The following DACT2 variants were observed in gnomAD, a reference collection of about 807,000 sequenced individuals.
DACT2 encodes the protein dapper homolog 2.
Under a neutral mutation model 22.2 loss-of-function variants are expected in DACT2, and 20 were observed. The observed-to-expected ratio is 0.90, with a 90% CI of 0.63 to 1.31. DACT2 has a LOEUF of 1.31. DACT2 is among the 50% of genes most tolerant of loss of function. The pLI is 0.00. For synonymous variants in DACT2, 463 were observed against 479.8 expected (o/e 0.96, Z 0.46); for missense variants, 1,048 against 1,061.4 (o/e 0.99, Z 0.18).
rs1779593495 is a variant in DACT2, at chr6:168,319,465, C to A, written c.169G>T (p.Ala57Ser). The A allele has an allele frequency of 8.3e-7, 1 of 1,202,970 alleles. No individual in the cohort carries two copies. Among genetic ancestry groups the A allele is most frequent in the Non-Finnish European group, 1.0e-6 (1 of 970,686 alleles). 74.5% of individuals were successfully genotyped at this position (1,202,970 alleles called of 1,614,324 possible). Residue 57 changes from alanine (A) to serine (S), a missense_variant, in exon 1 of 4, where the codon GCG becomes TCG. By Grantham distance (99) the Ala-to-Ser change is moderately conservative (BLOSUM62 1). Coordinates refer to ENST00000366795, the MANE Select transcript of DACT2 (RefSeq NM_214462.5). ...TGGAGGCCGTGGGGGCCGCAGGGCG[C>A]GGCGGGCGCGGGCGGGGGCTGCAGG... The part of the protein sequence containing the change: ...LALQPPPAPA[A>S]PCGPHGLHGP...
intron 3 of DACT2, among the ~76,000 whole-genome samples, chr6:168,297,817 T>G (rs577745062): frequency 2.7e-4 from 41 of 152,320 alleles, no homozygotes; most frequent in African/African-American, 7.7e-4. Context: ...AATGGACGGA[T>G]GAACTTTGGC....
In DACT2 at chr6:168,311,597, T is replaced by TAC. The variant is rs764745810; in HGVS notation, c.247-315_247-314dup. On this transcript the variant is annotated intron_variant, in intron 1 of 3. Coordinates refer to ENST00000366795, the MANE Select transcript of DACT2 (RefSeq NM_214462.5). ...ACACACACCCATCCACACACACACA[T>TAC]ACACACACACTCACACAAACACACA... 4.3e-3 allele frequency among the ~76,000 whole-genome samples: 431 copies of TAC among 100,520 alleles called. 9 individuals are homozygous for TAC. The highest frequency in any genetic ancestry group is 0.018 in the African/African-American group (403 of 22,796). The allele number at this position is 100,520 out of a possible 152,430, so 65.9% of individuals were successfully genotyped here.
intron 1 of DACT2, among the ~76,000 whole-genome samples, chr6:168,318,168 C>G (rs538936780): frequency 1.3e-5 from 2 of 152,382 alleles, no homozygotes; most frequent in East Asian, 3.9e-4. Flanking sequence ...GTGTCTGGTG[C>G]AAACACACAA....
chr6:168,309,307 C>A (rs944628963), intron 3 of DACT2, among the ~76,000 whole-genome samples: 3 of 138,176 alleles, frequency 2.2e-5, no homozygotes, highest in Non-Finnish European at 4.7e-5. Flanking sequence ...GTTTAAGACA[C>A]TGGGCGCGGG....
chr6:168,315,240 G>A (rs974873110), intron 1 of DACT2, among the ~76,000 whole-genome samples: 15 of 152,130 alleles, frequency 9.9e-5, no homozygotes, highest in African/African-American at 1.4e-4. Context: ...TGTCTCTCCC[G>A]CTGTGGAGAC....
intron 1 of DACT2, among the ~76,000 whole-genome samples, chr6:168,311,551 T>TACACACACACACCCCTACAC (rs778387834): frequency 4.1e-5 from 4 of 97,826 alleles, no homozygotes; most frequent in African/African-American, 1.7e-4. Context: ...CACACACACA[T>TACACACACACACCCCTACAC]ACACACACTC....
In DACT2 at chr6:168,307,974, C is replaced by G. The variant is rs982666299; in HGVS notation, c.1783G>C (p.Ala595Pro). The G allele has an allele frequency of 2.6e-6, 4 of 1,551,150 alleles. No homozygotes were observed. The highest frequency in any genetic ancestry group is 2.6e-6 in the Non-Finnish European group (3 of 1,146,890). Residue 595 changes from alanine to proline, a missense_variant, in exon 4 of 4, where the codon GCG (alanine) becomes CCG (proline). Ala to Pro is a conservative substitution (Grantham distance 27). Coordinates refer to ENST00000366795, the MANE Select transcript of DACT2 (RefSeq NM_214462.5). The surrounding 1 kb of genome is among the most constrained non-coding windows in gnomAD (Gnocchi z 5.3). ...TSAQALFPFE[A>P]SLLTSVARRK... The stretch of plus-strand genomic sequence containing the variant: ...CTGGCCACTGAGGTGAGCAGTGACG[C>G]CTCAAAGGGGAACAGGGCTTGGGCT...
At chr6:168,303,796 C>T (rs1779152088), downstream of DACT2, among the ~76,000 whole-genome samples, 1 of 152,138 alleles carries the variant, frequency 6.6e-6, no homozygotes, top group Admixed American at 6.5e-5. Flanking sequence ...CTGTTTTCTT[C>T]AATGATAACG....
rs1330726816 is a variant in DACT2, at chr6:168,319,671, C to T, written c.-38G>A. 29 of 1,208,224 alleles carry T rather than the reference C, an allele frequency of 2.4e-5. No individual in the cohort carries two copies. Among genetic ancestry groups the T allele is most frequent in the Non-Finnish European group, 2.9e-5 (28 of 971,276 alleles). The allele number at this position is 1,208,224 out of a possible 1,614,324, so 74.8% of individuals were successfully genotyped here. On this transcript the variant is annotated 5_prime_UTR_variant, in exon 1 of 4. Transcript: ENST00000366795. ...GTCCCGGCCTCCCGAACCCCACGAG[C>T]GGCGCCGGAGGCCCAGCGCGCGCGG...
Position 168,307,990 on chromosome 6 carries a change from G to A in DACT2, c.1767C>T (p.Ala589=), listed in dbSNP as rs1160712094. ...GCAGTGACGCCTCAAAGGGGAACAG[G>A]GCTTGGGCTGAGGTCCGGTGGCTCT... is the stretch of plus-strand genomic sequence containing the variant. ...PQESHRTSAQ[A]LFPFEASLLT... is the part of the protein sequence containing the mutation. The change falls in exon 4 of 4, where the codon GCC becomes GCT. Residue 589 remains alanine (A), a synonymous_variant. Transcript: ENST00000366795. The surrounding 1 kb of genome is among the most constrained non-coding windows in gnomAD (Gnocchi z 5.3). 8.4e-6 allele frequency: 13 copies of A among 1,551,092 alleles called. No individual in the cohort carries two copies. The highest frequency in any genetic ancestry group is 1.1e-5 in the Non-Finnish European group (13 of 1,146,870).
At chr6:168,293,326 C>G (rs1778944890) in exon 6 of DACT2, 1 of 152,534 alleles carries the variant, frequency 6.6e-6, no homozygotes, top group African/African-American at 2.4e-5. Context: ...TCAATTATCT[C>G]AAAAAATATT....
intron 3 of DACT2, among the ~76,000 whole-genome samples, chr6:168,297,136 A>G (rs1034032488): frequency 2.0e-5 from 3 of 152,212 alleles, no homozygotes; most frequent in African/African-American, 7.2e-5. Flanking sequence ...AGGCCTGACA[A>G]TACCATGTTT....
chr6:168,306,341 ACTG>A (rs1401276028), downstream of DACT2, among the ~76,000 whole-genome samples: 4 of 152,146 alleles, frequency 2.6e-5, no homozygotes, highest in East Asian at 7.7e-4. Flanking sequence ...ACCTGAAAAC[ACTG>A]CTATCTTTCT....
At chr6:168,299,929 G>A (rs1475939167) in intron 3 of DACT2, 1 of 152,296 alleles carries the variant, frequency 6.6e-6, no homozygotes, top group African/African-American at 2.4e-5. Flanking sequence ...AGGAACGCTG[G>A]GCTCCATGAA....
chr6:168,310,278 G>C lies in DACT2; in HGVS notation c.548C>G (p.Thr183Ser). Residue 183 changes from threonine to serine, a missense_variant, in exon 3 of 4, where the codon ACT becomes AGT. By Grantham distance (58) the Thr-to-Ser change is moderately conservative. Transcript: ENST00000366795. ...AGCCTGGGGTCTCCACGCTGGCACA[G>C]TAGTCTCATCAACCGACCGGGGCCT... ...DWRPRSVDET[T>S]VPAWRPQATE... The C allele has an allele frequency of 6.4e-7, 1 of 1,551,568 alleles. No homozygotes were observed. The highest frequency in any genetic ancestry group is 1.2e-5 in the South Asian group (1 of 84,050).
chr6:168,304,631 C>T (rs183109564), downstream of DACT2, among the ~76,000 whole-genome samples: 16 of 152,332 alleles, frequency 1.1e-4, no homozygotes, highest in Non-Finnish European at 2.1e-4. Context: ...TAACCTGGGC[C>T]GACTCACCCC....
chr6:168,307,599 C>T lies in DACT2; in HGVS notation c.2158G>A (p.Val720Met), dbSNP rs780932715. ...GCCAGCTCCGCATGCCCGGCCGCCACATAGCCCAGTGCCAGGTCACAGTCC... is the reference window on the plus strand; with the variant it reads ...GCCAGCTCCGCATGCCCGGCCGCCATATAGCCCAGTGCCAGGTCACAGTCC... Reference protein sequence around the residue: ...SRDCDLALGYVAAGHAELAWT... With the variant: ...SRDCDLALGYMAAGHAELAWT... The change falls in exon 4 of 4, where the codon GTG (valine) becomes ATG (methionine). Residue 720 changes from valine (V) to methionine (M), a missense_variant. By Grantham distance (21) the Val-to-Met change is conservative. Transcript: ENST00000366795. This position sits in a 1 kb window ranked among gnomAD's most constrained non-coding sequence, Gnocchi z 5.3. The T allele has an allele frequency of 2.8e-5, 44 of 1,549,174 alleles. No individual in the cohort carries two copies. In the Middle Eastern group the frequency reaches 5.0e-4, roughly 18 times the overall value.
chr6:168,309,407 A>AGGGCCATTTGCGTGTAGACACAGGGTGCG (rs1779331740), intron 3 of DACT2, among the ~76,000 whole-genome samples: 1 of 66,704 alleles, frequency 1.5e-5, no homozygotes. Context: ...GACACCGCAC[A>AGGGCCATTTGCGTGTAGACACAGGGTGCG]GGGCCGTTTG....
intron 1 of DACT2, 142 bp from the exon 2 acceptor site, chr6:168,311,426 G>T: frequency 8.7e-7 from 1 of 1,144,398 alleles, no homozygotes; most frequent in African/African-American, 1.6e-5. Flanking sequence ...TCCGGCAGCT[G>T]CCCCTGCTCA....
Sources: gnomAD v4.1 joint callset for allele counts (sites outside exome capture counted in the v4.1 genomes callset) on GRCh38, gnomAD v4.1.1 for gene constraint, Gnocchi (gnomAD v3.1) non-coding constraint, MANE v1.5 for transcripts, NCBI Gene and HGNC (gene_info 2026-07-23, HGNC 2026-07-21) for gene names.